ZDBF2: variants seen among roughly 807,000 people sequenced by gnomAD.
ZDBF2 encodes the protein zinc finger DBF-type containing 2.
In ZDBF2, 6 loss-of-function variants were observed where a neutral mutation model predicts 9.4. The ratio of observed to expected loss-of-function variants is 0.64; its 90% confidence interval spans 0.35 to 1.27. The LOEUF (loss-of-function observed/expected upper bound fraction) is 1.27, where lower values mean the gene tolerates loss of function less well. Among genes scored for constraint, ZDBF2 ranks in the 50% most tolerant of loss-of-function variants. ZDBF2 has a pLI of 0.03. For missense variants in ZDBF2, 2,697 were observed against 2,766.8 expected (o/e 0.97, Z 0.57); for synonymous variants, 905 against 946.3 (o/e 0.96, Z 0.80).
rs148844767 is a variant in ZDBF2 at position 206,298,912 on chromosome 2, G to C, written c.188+1539G>C. 7.3e-3 allele frequency among the ~76,000 whole-genome samples: 1,100 copies of C among 151,172 alleles called. 14 individuals carry two copies. The highest frequency in any genetic ancestry group is 0.025 in the African/African-American group (1,036 of 41,092). On this transcript the variant is annotated intron_variant, in intron 4 of 4. Coordinates refer to ENST00000374423, the MANE Select transcript of ZDBF2 (RefSeq NM_020923.3). ...TCTTTTTTTTTTGAGACAGAGTCTC[G>C]GTCTGTTGGCCAGGCTGTAGTGCTA... is the stretch of plus-strand genomic sequence containing the variant.
rs1159836207 is a variant in ZDBF2 at position 206,313,104 on chromosome 2, A to G, written c.*1511A>G. The G allele has an allele frequency of 6.6e-6, 1 of 152,198 alleles. No homozygotes were observed. The highest frequency in any genetic ancestry group is 1.5e-5 in the Non-Finnish European group (1 of 68,036). 9.4% of individuals were successfully genotyped at this position (152,198 alleles called of 1,614,324 possible). ...GAAACATGAATTACAACTATATTGT[A>G]TGACTGCCATATTTTATTGAAACTA... On this transcript the variant is annotated 3_prime_UTR_variant, in exon 5 of 5. Transcript: ENST00000374423.
rs1466779492 is a variant in ZDBF2 at position 206,297,245 on chromosome 2, G to A, written c.61-1G>A. The stretch of plus-strand genomic sequence containing the variant: ...ATATTCCATTTCTTTTTTCTTTATA[G>A]CATTTGTTCAGTGCTCAGCACAGGA... On this transcript the variant is annotated splice_acceptor_variant, in intron 3 of 4. Coordinates refer to ENST00000374423, the MANE Select transcript of ZDBF2 (RefSeq NM_020923.3). LOFTEE classifies it high-confidence loss of function. 1.6e-6 allele frequency: 2 copies of A among 1,247,878 alleles called. No individual in the cohort carries two copies. Among genetic ancestry groups the A allele is most frequent in the Non-Finnish European group, 2.3e-6 (2 of 852,072 alleles). 77.3% of individuals were successfully genotyped at this position (1,247,878 alleles called of 1,614,324 possible). A position where few individuals can be genotyped will look rare whatever the true frequency, so the allele number is the denominator to read the frequency against.
chr2:206,304,900 T>C lies in ZDBF2; in HGVS notation c.372T>C (p.Ser124=). The change falls in exon 5 of 5, where the codon TCT becomes TCC. Residue 124 remains serine, a synonymous_variant. Coordinates refer to ENST00000374423, the MANE Select transcript of ZDBF2 (RefSeq NM_020923.3). ...AGTTACATTCCAGACCTCATAAATC[T>C]CAGGAAGGCACGCAGGAGGTTTCAG... ...IEELHSRPHK[S]QEGTQEVSVR... The C allele has an allele frequency of 6.2e-7, 1 of 1,613,704 alleles. No homozygotes were observed. Among genetic ancestry groups the C allele is most frequent in the Non-Finnish European group, 8.5e-7 (1 of 1,179,798 alleles).
Position 206,306,146 on chromosome 2 carries a change from G to T in ZDBF2, c.1618G>T (p.Ala540Ser). Residue 540 changes from alanine (A) to serine (S), a missense_variant, in exon 5 of 5, where the codon GCT becomes TCT. This residue lies in a region of ZDBF2 where 910 missense variants were observed against 973.6 expected (regional missense o/e 0.93). Transcript: ENST00000374423. ...NYGSSSSEVS[A>S]DSVFPLQSVV... The stretch of plus-strand genomic sequence containing the variant: ...TGGTTCCAGTAGCTCTGAAGTAAGT[G>T]CTGATTCTGTTTTCCCACTGCAGTC... The T allele has an allele frequency of 1.2e-6, 2 of 1,613,782 alleles. No individual in the cohort carries two copies. Among genetic ancestry groups the T allele is most frequent in the Non-Finnish European group, 8.5e-7 (1 of 1,179,816 alleles).
intron 4 of ZDBF2, among the ~76,000 whole-genome samples, chr2:206,297,972 C>A (rs1692287323): frequency 6.6e-6 from 1 of 152,182 alleles, no homozygotes; most frequent in Admixed American, 6.5e-5. Context: ...TGAGCTACCA[C>A]ACCTGGCAAA....
rs1424858558 is a variant in ZDBF2 at position 206,311,178 on chromosome 2, C to G, written c.6650C>G (p.Thr2217Ser). The change falls in exon 5 of 5, where the codon ACC becomes AGC. Residue 2217 changes from threonine (T) to serine (S), a missense_variant. This residue lies in a region of ZDBF2 where 1,783 missense variants were observed against 1,776.5 expected (regional missense o/e 1.00). Coordinates refer to ENST00000374423, the MANE Select transcript of ZDBF2 (RefSeq NM_020923.3). The stretch of plus-strand genomic sequence containing the variant: ...GAGAAACAGTCAATTTGGATTCGGA[C>G]CAAACCAAGTGATATCATTAGAAAG... Reference protein sequence around the residue: ...ASEKQSIWIRTKPSDIIRKYI... With the variant: ...ASEKQSIWIRSKPSDIIRKYI... 2.5e-6 allele frequency: 4 copies of G among 1,613,066 alleles called. No homozygotes were observed. The African/African-American group carries it at 5.3e-5, about 22-fold the overall frequency.
At chr2:206,283,653 G>T (rs958104306) in intron 3 of ZDBF2, among the ~76,000 whole-genome samples, 1 of 151,772 alleles carries the variant, frequency 6.6e-6, no homozygotes, top group African/African-American at 2.4e-5. Context: ...CCATTCTGTG[G>T]GTTGTCTTAT....
Position 206,308,468 on chromosome 2 carries a change from C to A in ZDBF2, c.3940C>A (p.His1314Asn). The stretch of plus-strand genomic sequence containing the variant: ...AGAAATAAATCTTTTGAGGGAGGAA[C>A]ATGTTTGTCTGGATGATAAGGGCTA... ...NKEINLLREE[H>N]VCLDDKGYVP... The change falls in exon 5 of 5, where the codon CAT (histidine) becomes AAT (asparagine). Residue 1314 changes from histidine (H) to asparagine (N), a missense_variant. By Grantham distance (68) the His-to-Asn change is moderately conservative. This residue lies in a region of ZDBF2 where 1,783 missense variants were observed against 1,776.5 expected (regional missense o/e 1.00). Transcript: ENST00000374423. 1 of 1,613,610 alleles carries A rather than the reference C, an allele frequency of 6.2e-7. No homozygotes were observed. Among genetic ancestry groups the A allele is most frequent in the South Asian group, 1.1e-5 (1 of 91,034 alleles).
chr2:206,304,829 G>A lies in ZDBF2; in HGVS notation c.301G>A (p.Asp101Asn). The change falls in exon 5 of 5, where the codon GAT (aspartate) becomes AAT (asparagine). Residue 101 changes from aspartate to asparagine, a missense_variant. Physicochemically the swap from Asp to Asn is conservative, Grantham distance 23 (BLOSUM62 1). Coordinates refer to ENST00000374423, the MANE Select transcript of ZDBF2 (RefSeq NM_020923.3). ...EEDEDKVEDEDATEERPSEVS... is the reference protein window; with the variant it reads ...EEDEDKVEDENATEERPSEVS... ...GGATGAGGATAAGGTTGAGGATGAG[G>A]ATGCTACCGAAGAGAGACCATCCGA... The A allele has an allele frequency of 1.2e-6, 2 of 1,613,726 alleles. No individual in the cohort carries two copies. Among genetic ancestry groups the A allele is most frequent in the Non-Finnish European group, 1.7e-6 (2 of 1,179,788 alleles).
chr2:206,305,718 A>C lies in ZDBF2; in HGVS notation c.1190A>C (p.Asp397Ala). 1 of 1,613,770 alleles carries C rather than the reference A, an allele frequency of 6.2e-7. No individual in the cohort carries two copies. Among genetic ancestry groups the C allele is most frequent in the Non-Finnish European group, 8.5e-7 (1 of 1,179,804 alleles). ...LWKEEQIDQE[D>A]NYESRGSEMS... ...AAGGAGGAGCAAATTGACCAAGAAG[A>C]TAACTATGAGTCTAGAGGTTCAGAA... The change falls in exon 5 of 5, where the codon GAT becomes GCT. Residue 397 changes from aspartate to alanine, a missense_variant. Physicochemically the swap from Asp to Ala is moderately radical, Grantham distance 126. This residue lies in a region of ZDBF2 where 910 missense variants were observed against 973.6 expected (regional missense o/e 0.93). Coordinates refer to ENST00000374423, the MANE Select transcript of ZDBF2 (RefSeq NM_020923.3).
chr2:206,300,309 C>G (rs1692434860), intron 4 of ZDBF2, among the ~76,000 whole-genome samples: 2 of 152,228 alleles, frequency 1.3e-5, no homozygotes, highest in Admixed American at 6.5e-5. Context: ...TCCACAATCA[C>G]ACGTTGCATT....
In ZDBF2 at chr2:206,309,490, A is replaced by G. The variant is rs573493985; in HGVS notation, c.4962A>G (p.Glu1654=). Residue 1654 remains glutamate, a synonymous_variant, in exon 5 of 5, where the codon GAA becomes GAG. Coordinates refer to ENST00000374423, the MANE Select transcript of ZDBF2 (RefSeq NM_020923.3). ...DEKMVKYIDS[E]DKSCGYNGSK... ...AAATGGTGAAATATATTGATTCAGA[A>G]GATAAGAGCTGTGGATATAATGGTT... The G allele has an allele frequency of 6.2e-7, 1 of 1,613,994 alleles. No homozygotes were observed. The highest frequency in any genetic ancestry group is 1.3e-5 in the African/African-American group (1 of 75,048).
Position 206,306,825 on chromosome 2 carries a change from A to C in ZDBF2, c.2297A>C (p.His766Pro), listed in dbSNP as rs1045358526. Reference sequence around the variant, plus strand: ...CTTCTGTCAGTTACTGAGCAGTCTCATCTGGATGCTGAAGGAAAAGAACGG... The same window carrying C: ...CTTCTGTCAGTTACTGAGCAGTCTCCTCTGGATGCTGAAGGAAAAGAACGG... ...PPLLSVTEQS[H>P]LDAEGKERHI... The change falls in exon 5 of 5, where the codon CAT becomes CCT. Residue 766 changes from histidine (H) to proline (P), a missense_variant. His to Pro is a moderately conservative substitution (Grantham distance 77). Transcript: ENST00000374423. 4 of 1,613,894 alleles carry C rather than the reference A, an allele frequency of 2.5e-6. No homozygotes were observed. In the Admixed American group the frequency reaches 6.7e-5, roughly 27 times the overall value.
intron 3 of ZDBF2, among the ~76,000 whole-genome samples, chr2:206,286,323 A>G (rs1221441937): frequency 1.3e-5 from 2 of 152,126 alleles, no homozygotes; most frequent in Non-Finnish European, 1.5e-5. Context: ...CCAGTCTAAT[A>G]GTATTTGCTT....
chr2:206,309,483 A>G lies in ZDBF2; in HGVS notation c.4955A>G (p.Asp1652Gly), dbSNP rs1165004201. 1 of 1,614,010 alleles carries G rather than the reference A, an allele frequency of 6.2e-7. No individual in the cohort carries two copies. Among genetic ancestry groups the G allele is most frequent in the Admixed American group, 1.7e-5 (1 of 60,006 alleles). ...GATGAGAAAATGGTGAAATATATTG[A>G]TTCAGAAGATAAGAGCTGTGGATAT... ...GPDEKMVKYI[D>G]SEDKSCGYNG... Residue 1652 changes from aspartate (D) to glycine (G), a missense_variant, in exon 5 of 5, where the codon GAT becomes GGT. Asp to Gly is a moderately conservative substitution (Grantham distance 94). Around this residue, in one of 3 missense-constraint regions of ZDBF2, gnomAD observed 1,783 missense variants for 1,776.5 expected, o/e 1.00. Coordinates refer to ENST00000374423, the MANE Select transcript of ZDBF2 (RefSeq NM_020923.3).
Position 206,313,035 on chromosome 2 carries a change from G to T in ZDBF2, c.*1442G>T, listed in dbSNP as rs917137909. ...AGATGCATTCAGTTGTCATTCATTC[G>T]TGTTAAGCCAAGATCCTGGATCTTC... On this transcript the variant is annotated 3_prime_UTR_variant, in exon 5 of 5. Coordinates refer to ENST00000374423, the MANE Select transcript of ZDBF2 (RefSeq NM_020923.3). 1 of 152,108 alleles carries T rather than the reference G, an allele frequency of 6.6e-6. No homozygotes were observed. Among genetic ancestry groups the T allele is most frequent in the African/African-American group, 2.4e-5 (1 of 41,402 alleles). 9.4% of individuals were successfully genotyped at this position (152,108 alleles called of 1,614,324 possible). A position where few individuals can be genotyped will look rare whatever the true frequency, so the allele number is the denominator to read the frequency against.
At position 206,310,241 on chromosome 2, in the gene ZDBF2, G is replaced by T. The variant is rs1342108622; in HGVS notation, c.5713G>T (p.Asp1905Tyr). The change falls in exon 5 of 5, where the codon GAT becomes TAT. Residue 1905 changes from aspartate (D) to tyrosine (Y), a missense_variant. By Grantham distance (160) the Asp-to-Tyr change is radical. Around this residue, in one of 3 missense-constraint regions of ZDBF2, gnomAD observed 1,783 missense variants for 1,776.5 expected, o/e 1.00. Coordinates refer to ENST00000374423, the MANE Select transcript of ZDBF2 (RefSeq NM_020923.3). ...TGATGATATTGTCTGTGGTATTTCA[G>T]ATATTGATGACTTGTCAGTGGCCTT... ...ESDDIVCGIS[D>Y]IDDLSVALDK... is the part of the protein sequence containing the mutation. 1 of 1,613,956 alleles carries T rather than the reference G, an allele frequency of 6.2e-7. No individual in the cohort carries two copies. Among genetic ancestry groups the T allele is most frequent in the South Asian group, 1.1e-5 (1 of 91,086 alleles).
At chr2:206,277,454 A>G (rs371687818) in intron 1 of ZDBF2, among the ~76,000 whole-genome samples, 1 of 108,024 alleles carries the variant, frequency 9.3e-6, no homozygotes, top group African/African-American at 2.8e-5. Context: ...AATGAATGAA[A>G]TAAGAAGGTG....
Position 206,306,317 on chromosome 2 carries a change from CAACT to C in ZDBF2, c.1790_1793del (p.Gln597ArgfsTer8). ...TCTTGAGTCAGTAGTTGATCATCCC[CAACT>C]GACTGTCAAAGGAAGAAACCTGAAA... On this transcript the variant is annotated frameshift_variant, in exon 5 of 5. Transcript: ENST00000374423. LOFTEE classifies it low-confidence loss of function (END_TRUNC). 1 of 1,613,660 alleles carries C rather than the reference CAACT, an allele frequency of 6.2e-7. No homozygotes were observed. Among genetic ancestry groups the C allele is most frequent in the Non-Finnish European group, 8.5e-7 (1 of 1,179,778 alleles).
Sources: gnomAD v4.1 joint callset for allele counts (sites outside exome capture counted in the v4.1 genomes callset) on GRCh38, gnomAD v4.1.1 for gene constraint, gnomAD v4.1.1 regional missense constraint, MANE v1.5 for transcripts, NCBI Gene and HGNC (gene_info 2026-07-23, HGNC 2026-07-21) for gene names.